GLIS1: variants seen among roughly 807,000 people sequenced by gnomAD.
GLIS1 encodes the protein GLIS family zinc finger 1.
In GLIS1, 24 loss-of-function variants were observed where a neutral mutation model predicts 63.8. The observed-to-expected ratio is 0.38, with a 90% CI of 0.27 to 0.53. GLIS1 has a LOEUF of 0.53. Among genes scored for constraint, GLIS1 ranks in the 20% least tolerant of loss-of-function variants. GLIS1 has a pLI of 0.85. For missense variants in GLIS1, 1,036 were observed against 1,074.1 expected, an observed-to-expected ratio of 0.96 and a Z score of 0.50; for synonymous variants, 450 against 482.5, an observed-to-expected ratio of 0.93 and a Z score of 0.88.
At chr1:53,711,600 T>C (rs536959633) in intron 2 of GLIS1, among the ~76,000 whole-genome samples, 1 of 152,268 alleles carries the variant, frequency 6.6e-6, no homozygotes, top group East Asian at 1.9e-4. Context: ...CTTTTATTAG[T>C]CCTTATGCAA....
At chr1:53,543,703 G>A (rs9700109) in intron 4 of GLIS1, among the ~76,000 whole-genome samples, 24,887 of 151,872 alleles carry the variant, frequency 0.16, 2,702 homozygotes, top group Non-Finnish European at 0.23. Flanking sequence ...ACCCCAAATC[G>A]CCAGCTGTTC....
intron 4 of GLIS1, among the ~76,000 whole-genome samples, chr1:53,562,968 G>A (rs1000079481): frequency 6.6e-6 from 1 of 152,248 alleles, no homozygotes. Flanking sequence ...GGAAACGGAG[G>A]TTGTGCTTCT....
intron 2 of GLIS1, among the ~76,000 whole-genome samples, chr1:53,717,684 C>T (rs1646714468): frequency 6.6e-6 from 1 of 152,224 alleles, no homozygotes; most frequent in African/African-American, 2.4e-5. Flanking sequence ...TCTCCCTTCA[C>T]TGCTTTCTCT....
At chr1:53,607,931 A>G (rs1301387526) in intron 2 of GLIS1, among the ~76,000 whole-genome samples, 1 of 151,292 alleles carries the variant, frequency 6.6e-6, no homozygotes, top group Non-Finnish European at 1.5e-5. Context: ...GGCACGGAGA[A>G]AGTAGAGTGA....
At chr1:53,720,900 A>G (rs945958072) in intron 2 of GLIS1, among the ~76,000 whole-genome samples, 4 of 152,026 alleles carry the variant, frequency 2.6e-5, no homozygotes, top group Non-Finnish European at 4.4e-5. Context: ...TTAGAGGCTG[A>G]GGTGGGAGGA....
At position 53,592,556 on chromosome 1, in the gene GLIS1, C is replaced by T. The variant is rs575608532; in HGVS notation, c.1320+1552G>A. On this transcript the variant is annotated intron_variant, in intron 4 of 10. Transcript: ENST00000628545. The stretch of plus-strand genomic sequence containing the variant: ...CTCCCAGCAGCCCTGGCCTGGCCTG[C>T]GCGCTGTCTATTGGTCAACTCCTAG... 3.8e-4 allele frequency among the ~76,000 whole-genome samples: 58 copies of T among 152,354 alleles called. No individual in the cohort carries two copies. The Middle Eastern group carries it at 0.017, about 45-fold the overall frequency.
chr1:53,728,374 C>A (rs534079613), intron 2 of GLIS1, among the ~76,000 whole-genome samples: 1 of 152,194 alleles, frequency 6.6e-6, no homozygotes, highest in African/African-American at 2.4e-5. Context: ...TACCATGTGC[C>A]AGTCTGTTTT....
At chr1:53,706,076 T>C (rs1332565732) in intron 2 of GLIS1, among the ~76,000 whole-genome samples, 3 of 152,182 alleles carry the variant, frequency 2.0e-5, no homozygotes, top group African/African-American at 7.2e-5. Context: ...ATGACAATAA[T>C]ATTGGCTAAT....
intron 2 of GLIS1, among the ~76,000 whole-genome samples, chr1:53,711,751 T>C (rs1646649334): frequency 6.6e-6 from 1 of 152,222 alleles, no homozygotes; most frequent in South Asian, 2.1e-4. Flanking sequence ...TAGCAGTCAT[T>C]GTTATCAGTT....
At chr1:53,642,943 G>A (rs976510367) in intron 2 of GLIS1, among the ~76,000 whole-genome samples, 13 of 152,164 alleles carry the variant, frequency 8.5e-5, no homozygotes, top group Non-Finnish European at 1.6e-4. Context: ...CAGGAATTGT[G>A]AGCTCAAAAC....
intron 2 of GLIS1, among the ~76,000 whole-genome samples, chr1:53,634,128 A>C (rs1459207976): frequency 6.6e-6 from 1 of 152,136 alleles, no homozygotes; most frequent in Non-Finnish European, 1.5e-5. Flanking sequence ...ACGATGGGAG[A>C]AGGAACGGGT....
At chr1:53,677,159 C>G (rs1363467305) in intron 2 of GLIS1, among the ~76,000 whole-genome samples, 1 of 152,232 alleles carries the variant, frequency 6.6e-6, no homozygotes, top group Non-Finnish European at 1.5e-5. Flanking sequence ...GTATAATGAG[C>G]TTCCCGAGGA....
rs1553120127 is a variant in GLIS1, at chr1:53,522,986, C to CTTTTTTT, written c.1593+1784_1593+1790dup. On this transcript the variant is annotated intron_variant, in intron 6 of 10. Coordinates refer to ENST00000628545, the MANE Select transcript of GLIS1 (RefSeq NM_001367484.1). ...AGTTTCTTTTTCTTTTCTTTTCTTT[C>CTTTTTTT]TTTTTTTTTTTTTTTTTTTGAGACA... Among the ~76,000 whole-genome samples, 298 of 43,642 alleles carry CTTTTTTT rather than the reference C, an allele frequency of 6.8e-3. 3 individuals carry two copies. Among genetic ancestry groups the CTTTTTTT allele is most frequent in the African/African-American group, 0.013 (287 of 22,640 alleles). The allele number at this position is 43,642 out of a possible 152,430, so 28.6% of individuals were successfully genotyped here.
rs535709541 is a variant in GLIS1 at position 53,560,564 on chromosome 1, C to T, written c.1321-30612G>A. 3.3e-5 allele frequency among the ~76,000 whole-genome samples: 5 copies of T among 152,318 alleles called. No homozygotes were observed. In the South Asian group the frequency reaches 6.2e-4, roughly 19 times the overall value. ...GGAGGCTGTGGTCGGGAGGGCAGAG[C>T]GGGCTATAGGTGAGACTGAAGACAG... On this transcript the variant is annotated intron_variant, in intron 4 of 10. Coordinates refer to ENST00000628545, the MANE Select transcript of GLIS1 (RefSeq NM_001367484.1). This position sits in a 1 kb window ranked among gnomAD's most constrained non-coding sequence, Gnocchi z 4.4.
chr1:53,644,327 C>T, intron 2 of GLIS1, among the ~76,000 whole-genome samples: 1 of 152,206 alleles, frequency 6.6e-6, no homozygotes, highest in Non-Finnish European at 1.5e-5. Context: ...TACAACCTGA[C>T]ATAATATTGA....
At chr1:53,532,216 G>A (rs1475379477) in intron 4 of GLIS1, among the ~76,000 whole-genome samples, 5 of 152,230 alleles carry the variant, frequency 3.3e-5, no homozygotes, top group East Asian at 1.9e-4. Context: ...CTGGTGACAA[G>A]TGGGGACCGG....
At chr1:53,705,471 G>A (rs1366869485) in intron 2 of GLIS1, among the ~76,000 whole-genome samples, 1 of 152,190 alleles carries the variant, frequency 6.6e-6, no homozygotes, top group Non-Finnish European at 1.5e-5. Context: ...GTTGGAGCGG[G>A]GAGGAATCTT....
At chr1:53,573,922 G>A (rs1172467986) in intron 4 of GLIS1, among the ~76,000 whole-genome samples, 3 of 152,208 alleles carry the variant, frequency 2.0e-5, no homozygotes, top group African/African-American at 7.2e-5. Flanking sequence ...TTTAGAAACA[G>A]CATAAACAGA....
chr1:53,606,880 C>T (rs868505264), intron 2 of GLIS1, among the ~76,000 whole-genome samples: 2 of 152,240 alleles, frequency 1.3e-5, no homozygotes, highest in African/African-American at 4.8e-5. Context: ...GCTAGACTTA[C>T]GGGGACTCGG....
Sources: gnomAD v4.1 joint callset for allele counts (sites outside exome capture counted in the v4.1 genomes callset) on GRCh38, gnomAD v4.1.1 for gene constraint, Gnocchi (gnomAD v3.1) non-coding constraint, MANE v1.5 for transcripts, NCBI Gene and HGNC (gene_info 2026-07-23, HGNC 2026-07-21) for gene names.